Variants in XPO1 observed in about 807,000 individuals in gnomAD.
The protein encoded by XPO1 is exportin-1.
A neutral mutation model predicts 133.3 loss-of-function variants in XPO1; 5 were observed. The ratio of observed to expected loss-of-function variants is 0.04; its 90% CI spans 0.02 to 0.08. The LOEUF (loss-of-function observed/expected upper bound fraction) is 0.08. Among genes scored for constraint, XPO1 ranks in the 10% least tolerant of loss-of-function variants. The probability of loss-of-function intolerance (pLI) is 1.00; values close to 1 mark genes in which losing one functional copy is unlikely to be tolerated. For synonymous variants in XPO1, 419 were observed against 408.2 expected (o/e 1.03, Z -0.32); for missense variants, 506 against 1,267.5 (o/e 0.40, Z 9.12).
chr2:61,491,455 A>AC (rs1558637988), intron 16 of XPO1, among the ~76,000 whole-genome samples: 85 of 91,306 alleles, frequency 9.3e-4, no homozygotes, highest in African/African-American at 3.8e-3. Flanking sequence ...CATCTCAAAA[A>AC]ACAAACACAC....
At position 61,498,926 on chromosome 2, in the gene XPO1, A is replaced by C. The variant is rs772793173; in HGVS notation, c.591-13T>G. ...TTCATTGCACATGCTAAAAAAAAAA[A>C]CACACAAAAATATCAGATTTAGAAG... On this transcript the variant is annotated splice_polypyrimidine_tract_variant and intron_variant, in intron 7 of 24. Transcript: ENST00000401558. 1.8e-5 allele frequency: 28 copies of C among 1,567,518 alleles called. No individual in the cohort carries two copies. Among genetic ancestry groups the C allele is most frequent in the South Asian group, 1.5e-4 (13 of 83,908 alleles).
At chr2:61,513,014 C>A (rs770755612) in intron 4 of XPO1, among the ~76,000 whole-genome samples, 1 of 151,208 alleles carries the variant, frequency 6.6e-6, no homozygotes, top group Non-Finnish European at 1.5e-5. Context: ...AATATATAAA[C>A]CTTGACCCTT....
chr2:61,480,142 G>T (rs1312396944), intron 24 of XPO1, among the ~76,000 whole-genome samples: 2 of 152,074 alleles, frequency 1.3e-5, no homozygotes, highest in Non-Finnish European at 1.5e-5. Context: ...TGGGATTACA[G>T]GTGTGAGCCA....
At chr2:61,479,001 A>C (rs1317836796) in intron 24 of XPO1, 35 bp from the exon 25 acceptor site, 1 of 1,593,562 alleles carries the variant, frequency 6.3e-7, no homozygotes, top group Non-Finnish European at 8.5e-7. Flanking sequence ...TCAACGCAAT[A>C]AACTTCAACT....
At chr2:61,501,721 CAAA>C (rs34659499) in intron 6 of XPO1, among the ~76,000 whole-genome samples, 3 of 111,402 alleles carry the variant, frequency 2.7e-5, no homozygotes, top group Admixed American at 2.1e-4. Context: ...AGACTGTCTC[CAAA>C]AAAAAAAAAA....
In XPO1 at chr2:61,488,284, A is replaced by G. The variant is rs2104383783; in HGVS notation, c.2207-13T>C. The G allele has an allele frequency of 6.2e-7, 1 of 1,606,678 alleles. No individual in the cohort carries two copies. Among genetic ancestry groups the G allele is most frequent in the Non-Finnish European group, 8.5e-7 (1 of 1,173,580 alleles). On this transcript the variant is annotated splice_polypyrimidine_tract_variant and intron_variant, in intron 18 of 24. Transcript: ENST00000401558. ...GTAACCATTTCACCTACAAAACAGA[A>G]TCAAATGGAATCTAATTTTACCACT...
intron 1 of XPO1, 124 bp from the exon 2 acceptor site, chr2:61,534,027 A>C (rs368310595): frequency 9.3e-6 from 9 of 967,738 alleles, no homozygotes; most frequent in African/African-American, 6.8e-5. Flanking sequence ...TAGAGACTTT[A>C]ATTACAGAAA....
chr2:61,489,203 C>T (rs181057518), intron 17 of XPO1, among the ~76,000 whole-genome samples: 4 of 151,994 alleles, frequency 2.6e-5, no homozygotes, highest in African/African-American at 9.7e-5. Context: ...CACCTGAGGT[C>T]GGGAGTTCAA....
chr2:61,529,872 A>G (rs1393773185), intron 2 of XPO1, among the ~76,000 whole-genome samples: 1 of 152,182 alleles, frequency 6.6e-6, no homozygotes, highest in Non-Finnish European at 1.5e-5. Flanking sequence ...GGTTGCCTGA[A>G]AAGATCAGAC....
chr2:61,507,354 G>T (rs908668448), intron 4 of XPO1, among the ~76,000 whole-genome samples: 6 of 151,962 alleles, frequency 3.9e-5, no homozygotes, highest in Admixed American at 3.9e-4. Flanking sequence ...TGGGAGGAGG[G>T]TTTGAGGAAA....
chr2:61,536,564 G>A (rs956315305), intron 1 of XPO1: 3 of 152,254 alleles, frequency 2.0e-5, no homozygotes, highest in African/African-American at 7.2e-5. Context: ...GTCGCTACAA[G>A]GCGAAAGACT....
At chr2:61,508,913 A>C (rs1357159832) in intron 4 of XPO1, among the ~76,000 whole-genome samples, 1 of 152,194 alleles carries the variant, frequency 6.6e-6, no homozygotes, top group African/African-American at 2.4e-5. Context: ...CATGTTACAT[A>C]TTCCAATTCC....
At chr2:61,493,145 A>T in intron 12 of XPO1, 92 bp from the exon 13 acceptor site, 1 of 1,335,474 alleles carries the variant, frequency 7.5e-7, no homozygotes, top group Non-Finnish European at 1.0e-6. Context: ...CAAAACCAAA[A>T]AAACCACAAG....
intron 6 of XPO1, 129 bp from the exon 7 acceptor site, chr2:61,500,023 T>A: frequency 2.1e-6 from 2 of 933,574 alleles, no homozygotes; most frequent in Non-Finnish European, 3.2e-6. Context: ...TCCTCCTTTA[T>A]TAAAGGAAGA....
intron 1 of XPO1, among the ~76,000 whole-genome samples, chr2:61,535,661 TA>T (rs1699328299): frequency 6.6e-6 from 1 of 152,204 alleles, no homozygotes; most frequent in Non-Finnish European, 1.5e-5. Context: ...TGATATGATG[TA>T]AAAATAATGT....
rs549735097 is a variant in XPO1, at chr2:61,533,972, T to G, written c.-6-69A>C. 1.8e-5 allele frequency: 24 copies of G among 1,317,964 alleles called. No individual in the cohort carries two copies. The East Asian group carries it at 3.2e-4, about 18-fold the overall frequency. 81.6% of individuals were successfully genotyped at this position (1,317,964 alleles called of 1,614,324 possible). Reference sequence around the variant, plus strand: ...GTATTATCAAAAACTTCCTACAAGTTATTTTACTTCAACCATGTTATTACA... The same window carrying G: ...GTATTATCAAAAACTTCCTACAAGTGATTTTACTTCAACCATGTTATTACA... On this transcript the variant is annotated intron_variant, in intron 1 of 24. Transcript: ENST00000401558.
chr2:61,510,481 A>T (rs1467149871), intron 4 of XPO1, among the ~76,000 whole-genome samples: 1 of 152,206 alleles, frequency 6.6e-6, no homozygotes, highest in East Asian at 1.9e-4. Context: ...GTTCCCACAG[A>T]TAATCTATAA....
chr2:61,526,406 C>G lies in XPO1; in HGVS notation c.228+14G>C. The G allele has an allele frequency of 6.3e-7, 1 of 1,599,650 alleles. No homozygotes were observed. The highest frequency in any genetic ancestry group is 8.5e-7 in the Non-Finnish European group (1 of 1,175,996). Reference sequence around the variant, plus strand: ...GAAAAGAAATAACAGATTTTAAAACCACCACTTGCTTACTTTCGTATTCAT... The same window carrying G: ...GAAAAGAAATAACAGATTTTAAAACGACCACTTGCTTACTTTCGTATTCAT... On this transcript the variant is annotated intron_variant, in intron 3 of 24. Transcript: ENST00000401558.
chr2:61,528,490 G>A (rs528223118), intron 2 of XPO1, among the ~76,000 whole-genome samples: 8 of 151,702 alleles, frequency 5.3e-5, no homozygotes, highest in South Asian at 2.1e-4. Context: ...AAAACTAGCC[G>A]GGAATGGTGG....
Sources: allele counts gnomAD v4.1 joint callset (sites outside exome capture counted in the v4.1 genomes callset), GRCh38; gene constraint gnomAD v4.1.1; transcripts MANE v1.5; gene names NCBI Gene and HGNC (gene_info 2026-07-23, HGNC 2026-07-21).